The following B4GALNT2 variants were observed in gnomAD, a reference collection of about 807,000 sequenced individuals.
B4GALNT2 encodes beta-1,4-N-acetyl-galactosaminyltransferase 2 (SID blood group).
In B4GALNT2, 42 loss-of-function variants were observed where a neutral mutation model predicts 51.1. The ratio of observed to expected loss-of-function variants is 0.82; its 90% CI spans 0.64 to 1.06. The LOEUF (loss-of-function observed/expected upper bound fraction) is 1.06, where lower values mean the gene tolerates loss of function less well. Among genes scored for constraint, B4GALNT2 ranks in the 50% least tolerant of loss-of-function variants. B4GALNT2 has a pLI of 0.00. For synonymous variants in B4GALNT2, 253 were observed against 251.7 expected (o/e 1.01, Z -0.05); for missense variants, 602 against 633.6 (o/e 0.95, Z 0.54).
rs564244743 is a variant in B4GALNT2, at chr17:49,174,014, C to T, written c.*4286C>T. The T allele has an allele frequency of 6.6e-6, 1 of 152,208 alleles. No homozygotes were observed. The highest frequency in any genetic ancestry group is 1.5e-5 in the Non-Finnish European group (1 of 68,016). 9.4% of individuals were successfully genotyped at this position (152,208 alleles called of 1,614,324 possible). On this transcript the variant is annotated 3_prime_UTR_variant, in exon 11 of 11. Coordinates refer to ENST00000393354, the MANE Select transcript of B4GALNT2 (RefSeq NM_001159387.2). ...GTAGGTCATATCCAATTAATGTCCC[C>T]TGGTAATTTTTGAAAGTCATTTAAT...
At chr17:49,128,620 A>C (rs1370108100), upstream of B4GALNT2, among the ~76,000 whole-genome samples, 1 of 152,208 alleles carries the variant, frequency 6.6e-6, no homozygotes. Context: ...GGCGTTTGCC[A>C]TTCCTGGTTA....
At chr17:49,135,020 A>T (rs1335450625) in intron 1 of B4GALNT2, among the ~76,000 whole-genome samples, 1 of 152,220 alleles carries the variant, frequency 6.6e-6, no homozygotes, top group Non-Finnish European at 1.5e-5. Context: ...CGTGAGCCAA[A>T]TAAATTTTTC....
intron 8 of B4GALNT2, among the ~76,000 whole-genome samples, chr17:49,165,909 G>A (rs185526266): frequency 1.3e-5 from 2 of 152,246 alleles, no homozygotes; most frequent in African/African-American, 4.8e-5. Context: ...CACAGTCACT[G>A]TCCCTTCCAG....
rs117098230 is a variant in B4GALNT2 at position 49,153,338 on chromosome 17, C to T, written c.460+432C>T. On this transcript the variant is annotated intron_variant, in intron 4 of 10. Coordinates refer to ENST00000393354, the MANE Select transcript of B4GALNT2 (RefSeq NM_001159387.2). ...GTTGAAGCAGAAGGGTTGCTTGAACCTGGGAGGCCGAGGCTGCAGTGAGCA... is the reference window on the plus strand; with the variant it reads ...GTTGAAGCAGAAGGGTTGCTTGAACTTGGGAGGCCGAGGCTGCAGTGAGCA... 2.9e-3 allele frequency among the ~76,000 whole-genome samples: 445 copies of T among 151,836 alleles called. 16 individuals are homozygous for T. In the East Asian group the frequency reaches 0.067, roughly 23 times the overall value.
At chr17:49,147,119 C>T (rs899953307) in intron 3 of B4GALNT2, among the ~76,000 whole-genome samples, 1 of 152,170 alleles carries the variant, frequency 6.6e-6, no homozygotes, top group African/African-American at 2.4e-5. Context: ...GAAGGAATGA[C>T]CCGGGGATCC....
upstream of B4GALNT2, among the ~76,000 whole-genome samples, chr17:49,128,250 C>T (rs1332984866): frequency 6.6e-6 from 1 of 152,114 alleles, no homozygotes; most frequent in Admixed American, 6.6e-5. Flanking sequence ...AGCCACTTTC[C>T]AGAGAGGGAG....
chr17:49,141,249 C>G lies in B4GALNT2; in HGVS notation c.17C>G (p.Ser6Trp). The stretch of plus-strand genomic sequence containing the variant: ...TCTGTTCTTTTGTGTCCCAACAGCT[C>G]GAGATTTCTGTGGCTCCTCAAGATA... MTSGG[S>W]RFLWLLKILV... The change falls in exon 2 of 11, where the codon TCG (serine) becomes TGG (tryptophan). Residue 6 changes from serine (S) to tryptophan (W), a missense_variant and splice_region_variant. Ser to Trp is a radical substitution (Grantham distance 177, BLOSUM62 -3). Transcript: ENST00000393354. The G allele has an allele frequency of 1.2e-6, 2 of 1,613,348 alleles. No individual in the cohort carries two copies. Among genetic ancestry groups the G allele is most frequent in the Non-Finnish European group, 1.7e-6 (2 of 1,179,366 alleles).
chr17:49,129,508 G>A (rs1339283650), upstream of B4GALNT2, among the ~76,000 whole-genome samples: 2 of 152,162 alleles, frequency 1.3e-5, no homozygotes, highest in African/African-American at 4.8e-5. Context: ...CACCCATCCT[G>A]GCTTTCAGCA....
intron 1 of B4GALNT2, among the ~76,000 whole-genome samples, chr17:49,133,889 G>A (rs143177342): frequency 6.6e-6 from 1 of 152,272 alleles, no homozygotes; most frequent in Non-Finnish European, 1.5e-5. Context: ...TCCAGCCTGG[G>A]CGACAGAGGG....
At chr17:49,152,693 T>C (rs1245893736) in intron 3 of B4GALNT2, 107 bp from the exon 4 acceptor site, 1 of 749,946 alleles carries the variant, frequency 1.3e-6, no homozygotes, top group Non-Finnish European at 2.1e-6. Flanking sequence ...CCAATTTTGA[T>C]TTCTCCATAT....
chr17:49,149,654 A>G (rs1315839299), intron 3 of B4GALNT2, among the ~76,000 whole-genome samples: 1 of 152,208 alleles, frequency 6.6e-6, no homozygotes, highest in Middle Eastern at 3.2e-3. Flanking sequence ...CGTCTCAGAA[A>G]AAAGAAAAAT....
Position 49,169,763 on chromosome 17 carries a change from T to G in B4GALNT2, c.*35T>G, listed in dbSNP as rs753206177. ...GGCATAGGAGAAACACTAGGCTGGC[T>G]GGTTATGGTATCTATAGCAGGCCAC... On this transcript the variant is annotated 3_prime_UTR_variant, in exon 11 of 11. Transcript: ENST00000393354. 6.6e-7 allele frequency: 1 copy of G among 1,512,772 alleles called. No homozygotes were observed. The highest frequency in any genetic ancestry group is 8.9e-7 in the Non-Finnish European group (1 of 1,125,580). The allele number at this position is 1,512,772 out of a possible 1,614,324, so 93.7% of individuals were successfully genotyped here.
intron 3 of B4GALNT2, among the ~76,000 whole-genome samples, chr17:49,145,368 T>C (rs2042684652): frequency 6.6e-6 from 1 of 152,170 alleles, no homozygotes; most frequent in Non-Finnish European, 1.5e-5. Context: ...ATGAAGTCAA[T>C]AAATCTTACG....
rs761765766 is a variant in B4GALNT2 at position 49,164,069 on chromosome 17, C to T, written c.767-19C>T. ...CTTCCTACAGGACAGAGCTCTGACA[C>T]CCACTGTTTTCTGCCCAGAGAGGAA... On this transcript the variant is annotated intron_variant, in intron 7 of 10. Coordinates refer to ENST00000393354, the MANE Select transcript of B4GALNT2 (RefSeq NM_001159387.2). 3 of 1,610,068 alleles carry T rather than the reference C, an allele frequency of 1.9e-6. No homozygotes were observed. The highest frequency in any genetic ancestry group is 1.7e-5 in the Admixed American group (1 of 59,940).
At chr17:49,148,547 TG>T (rs1567859296) in intron 3 of B4GALNT2, 1 of 387,820 alleles carries the variant, frequency 2.6e-6, no homozygotes, top group Non-Finnish European at 5.0e-6. Flanking sequence ...GCACAATCTC[TG>T]GGGGCAGATG....
intron 1 of B4GALNT2, chr17:49,133,101 ACGCC>A (rs1465447204): frequency 1.3e-6 from 2 of 1,518,768 alleles, no homozygotes; most frequent in Non-Finnish European, 1.7e-6. Context: ...TGTCTCGGGG[ACGCC>A]CGAGTGTGGG....
chr17:49,150,145 T>G lies in B4GALNT2; in HGVS notation c.354-2655T>G, dbSNP rs565238314. ...GGCGCCTCTGCCCGGCCGCCCCTACTGGGAAGTGAGGAGCCCCTCTGTCCG... is the reference window on the plus strand; with the variant it reads ...GGCGCCTCTGCCCGGCCGCCCCTACGGGGAAGTGAGGAGCCCCTCTGTCCG... On this transcript the variant is annotated intron_variant, in intron 3 of 10. Transcript: ENST00000393354. Among the ~76,000 whole-genome samples the G allele has an allele frequency of 1.1e-4, 16 of 147,270 alleles. 1 individual carries two copies. In the East Asian group the frequency reaches 3.4e-3, roughly 31 times the overall value.
the B4GALNT2 span, among the ~76,000 whole-genome samples, chr17:49,122,655 C>T: frequency 6.6e-6 from 1 of 152,198 alleles, no homozygotes; most frequent in Non-Finnish European, 1.5e-5. Flanking sequence ...TCAGCAGTGT[C>T]TCTTACTAGG....
At position 49,152,856 on chromosome 17, in the gene B4GALNT2, AC is replaced by A. The variant is rs1320933535; in HGVS notation, c.413del (p.Pro138GlnfsTer7). ...GTCCAGCCCAACCTCCCCTTTGGGT[AC>A]CCAGTCCACGGAGTGGAGGTGATGC... ...LLVQPNLPFGYPVHGVEVMPL... is the reference protein window; with the variant it reads ...LLVQPNLPFGXPVHGVEVMPL... On this transcript the variant is annotated frameshift_variant, in exon 4 of 11. Transcript: ENST00000393354. LOFTEE classifies it high-confidence loss of function. The A allele has an allele frequency of 6.2e-7, 1 of 1,611,504 alleles. No homozygotes were observed. Among genetic ancestry groups the A allele is most frequent in the East Asian group, 2.2e-5 (1 of 44,786 alleles).
Sources: gnomAD v4.1 joint callset for allele counts (sites outside exome capture counted in the v4.1 genomes callset) on GRCh38, gnomAD v4.1.1 for gene constraint, MANE v1.5 for transcripts, NCBI Gene and HGNC (gene_info 2026-07-23, HGNC 2026-07-21) for gene names.